MAST2: variants seen among roughly 807,000 people sequenced by gnomAD.
The protein encoded by MAST2 is microtubule-associated serine/threonine-protein kinase 2.
MAST2 carries 70 observed loss-of-function variants against 147.4 expected under a neutral mutation model. The observed-to-expected ratio is 0.47, with a 90% CI of 0.39 to 0.58. The LOEUF is 0.58. MAST2 is among the 20% of genes least tolerant of loss of function. MAST2 has a pLI of 0.00. For missense variants in MAST2, 2,080 were observed against 2,302.3 expected, an observed-to-expected ratio of 0.90 and a Z score of 1.98; for synonymous variants, 869 against 896.8, an observed-to-expected ratio of 0.97 and a Z score of 0.55.
chr1:45,866,409 T>C (rs1451129668), intron 3 of MAST2, among the ~76,000 whole-genome samples: 6 of 152,238 alleles, frequency 3.9e-5, no homozygotes, highest in African/African-American at 1.4e-4. Flanking sequence ...AGTAGTGATG[T>C]ATGTTCAAGC....
At position 46,019,632 on chromosome 1, in the gene MAST2, G is replaced by T; in HGVS notation, c.1225G>T (p.Val409Leu). The change falls in exon 11 of 29, where the codon GTG (valine) becomes TTG (leucine). Residue 409 changes from valine (V) to leucine (L), a missense_variant. By Grantham distance (32) the Val-to-Leu change is conservative. This residue lies in a region of MAST2 where 569 missense variants were observed against 642.5 expected (regional missense o/e 0.89). Coordinates refer to ENST00000361297, the MANE Select transcript of MAST2 (RefSeq NM_015112.3). ...ERSESSEVAFVMQLVKKLMII... is the reference protein window; with the variant it reads ...ERSESSEVAFLMQLVKKLMII... ...CTCAGAGAGCTCAGAAGTGGCTTTT[G>T]TGATGCAGCTGGTGAAAAAGCTGAT... is the stretch of plus-strand genomic sequence containing the variant. 7.4e-6 allele frequency: 12 copies of T among 1,614,176 alleles called. No homozygotes were observed. Among genetic ancestry groups the T allele is most frequent in the Non-Finnish European group, 9.3e-6 (11 of 1,180,036 alleles).
intron 4 of MAST2, among the ~76,000 whole-genome samples, chr1:45,909,093 A>AT (rs1651248547): frequency 6.6e-6 from 1 of 152,138 alleles, no homozygotes; most frequent in African/African-American, 2.4e-5. Context: ...TGTACTTTTT[A>AT]CATCAAATGT....
intron 10 of MAST2, 70 bp from the exon 11 acceptor site, chr1:46,019,526 G>A: frequency 8.1e-7 from 1 of 1,237,224 alleles, no homozygotes; most frequent in Non-Finnish European, 1.2e-6. Flanking sequence ...AGTCAGCTCT[G>A]CCCTGTCTGG....
intron 1 of MAST2, among the ~76,000 whole-genome samples, chr1:45,811,637 C>CTTT (rs764470494): frequency 1.7e-5 from 2 of 117,744 alleles, no homozygotes; most frequent in Non-Finnish European, 3.6e-5. Context: ...CCGCACCCGG[C>CTTT]TTTTTTTTTT....
intron 3 of MAST2, among the ~76,000 whole-genome samples, chr1:45,839,472 C>T (rs1645208483): frequency 6.6e-6 from 1 of 152,056 alleles, no homozygotes; most frequent in South Asian, 2.1e-4. Flanking sequence ...GGGGTTTCGC[C>T]ATGTTGCCCA....
In MAST2 at chr1:45,912,434, A is replaced by G. The variant is rs369592120; in HGVS notation, c.500+30039A>G. On this transcript the variant is annotated intron_variant, in intron 4 of 28. Coordinates refer to ENST00000361297, the MANE Select transcript of MAST2 (RefSeq NM_015112.3). ...AATATTTTCTTTTCTATTCTATTTC[A>G]TTTGTATATGTACTTTTTGTGTGCA... Among the ~76,000 whole-genome samples the G allele has an allele frequency of 1.4e-4, 22 of 152,222 alleles. No individual in the cohort carries two copies. The East Asian group carries it at 1.5e-3, about 11-fold the overall frequency.
intron 9 of MAST2, among the ~76,000 whole-genome samples, chr1:46,010,502 G>A (rs1400135299): frequency 6.6e-6 from 1 of 152,186 alleles, no homozygotes; most frequent in Non-Finnish European, 1.5e-5. Context: ...GGGGAGATGG[G>A]CAAGACCAGG....
At chr1:45,947,712 C>A (rs1047160335) in intron 4 of MAST2, among the ~76,000 whole-genome samples, 1 of 152,148 alleles carries the variant, frequency 6.6e-6, no homozygotes. Context: ...TAGTCTCAGC[C>A]CAAAAGCTTC....
At chr1:45,966,536 G>A (rs1372552315) in intron 5 of MAST2, among the ~76,000 whole-genome samples, 1 of 152,064 alleles carries the variant, frequency 6.6e-6, no homozygotes, top group Non-Finnish European at 1.5e-5. Context: ...TTCAAGACAA[G>A]CCGGGCCAAC....
rs1021579095 is a variant in MAST2 at position 45,825,046 on chromosome 1, G to A, written c.325+466G>A. On this transcript the variant is annotated intron_variant, in intron 2 of 28. Transcript: ENST00000361297. ...ATTCTTTTCTTTCCTTTTTTTTTGA[G>A]ATGGAGTTTCGCTCCGTAGCCCAGG... 3.9e-5 allele frequency among the ~76,000 whole-genome samples: 6 copies of A among 151,910 alleles called. No homozygotes were observed. The East Asian group carries it at 1.2e-3, about 29-fold the overall frequency.
intron 3 of MAST2, among the ~76,000 whole-genome samples, chr1:45,851,594 G>A (rs532299567): frequency 2.6e-5 from 4 of 152,286 alleles, no homozygotes; most frequent in South Asian, 2.1e-4. Context: ...GATGTTGGCT[G>A]TGGATTTGTC....
At chr1:45,946,717 T>C (rs140650753) in intron 4 of MAST2, among the ~76,000 whole-genome samples, 138 of 152,262 alleles carry the variant, frequency 9.1e-4, no homozygotes, top group African/African-American at 3.0e-3. Flanking sequence ...GTAGAGATAA[T>C]CTGTACCTCT....
intron 27 of MAST2, 61 bp from the exon 28 acceptor site, chr1:46,034,011 TG>T (rs767957577): frequency 3.1e-6 from 5 of 1,605,240 alleles, no homozygotes; most frequent in African/African-American, 1.3e-5. Context: ...GCCTTGGCCC[TG>T]GGGGTCCAGT....
At position 46,035,164 on chromosome 1, in the gene MAST2, C is replaced by G. The variant is rs200466794; in HGVS notation, c.4495C>G (p.Arg1499Gly). Residue 1499 changes from arginine (R) to glycine (G), a missense_variant, in exon 29 of 29, where the codon CGT (arginine) becomes GGT (glycine). This residue lies in a region of MAST2 where 1,278 missense variants were observed against 1,304.2 expected (regional missense o/e 0.98). Coordinates refer to ENST00000361297, the MANE Select transcript of MAST2 (RefSeq NM_015112.3). The surrounding 1 kb of genome is among the most constrained non-coding windows in gnomAD (Gnocchi z 5.5). ...GTCGCTGCAGAAGCAAGAAGCCATT[C>G]GTGAGGTGGACTCCTCAGAGGACGA... ...RESLQKQEAIREVDSSEDDTE... is the reference protein window; with the variant it reads ...RESLQKQEAIGEVDSSEDDTE... 1.2e-6 allele frequency: 2 copies of G among 1,613,920 alleles called. No homozygotes were observed. The highest frequency in any genetic ancestry group is 2.2e-5 in the East Asian group (1 of 44,874).
chr1:45,834,662 G>A (rs1397460612), intron 3 of MAST2, among the ~76,000 whole-genome samples: 1 of 152,114 alleles, frequency 6.6e-6, no homozygotes, highest in Non-Finnish European at 1.5e-5. Flanking sequence ...AAGTGGCATA[G>A]GAGAAAGACC....
chr1:45,876,937 A>G (rs1016617680), intron 3 of MAST2, among the ~76,000 whole-genome samples: 2 of 152,250 alleles, frequency 1.3e-5, no homozygotes, highest in African/African-American at 2.4e-5. Flanking sequence ...AAACTATTCA[A>G]GAAGTCAGAA....
intron 3 of MAST2, among the ~76,000 whole-genome samples, chr1:45,841,465 T>C (rs1645274014): frequency 6.6e-6 from 1 of 152,020 alleles, no homozygotes; most frequent in South Asian, 2.1e-4. Context: ...TCTGTATATA[T>C]ATATAATTAC....
At chr1:45,999,829 ATTATC>A (rs1211573289) in intron 6 of MAST2, among the ~76,000 whole-genome samples, 4 of 152,208 alleles carry the variant, frequency 2.6e-5, no homozygotes, top group African/African-American at 9.7e-5. Context: ...AATTCCTGAT[ATTATC>A]TTATTTGCAT....
chr1:45,869,060 T>G (rs902488754), intron 3 of MAST2, among the ~76,000 whole-genome samples: 4 of 152,222 alleles, frequency 2.6e-5, no homozygotes, highest in African/African-American at 9.6e-5. Flanking sequence ...TATTCTATGT[T>G]GCAGCTACAC....
Sources: allele counts gnomAD v4.1 joint callset (sites outside exome capture counted in the v4.1 genomes callset), GRCh38; gene constraint gnomAD v4.1.1; regional missense constraint gnomAD v4.1.1; non-coding constraint Gnocchi (gnomAD v3.1); transcripts MANE v1.5; gene names NCBI Gene and HGNC (gene_info 2026-07-23, HGNC 2026-07-21).